Variants in PGM3 observed in about 807,000 individuals in gnomAD.
PGM3 encodes the protein phosphoglucomutase 3, also known as phosphoacetylglucosamine mutase.
Under a neutral mutation model 66.2 loss-of-function variants are expected in PGM3, and 40 were observed. The observed-to-expected ratio is 0.60, with a 90% CI of 0.47 to 0.79. The LOEUF is 0.79. Ranked by LOEUF, PGM3 falls within the 30% of genes least tolerant of loss-of-function variation. The probability of loss-of-function intolerance (pLI) is 0.00; values close to 1 mark genes in which losing one functional copy is unlikely to be tolerated. For synonymous variants in PGM3, 191 were observed against 224.2 expected (o/e 0.85, Z 1.32); for missense variants, 537 against 643.4 (o/e 0.83, Z 1.79).
the PGM3 span, chr6:83,152,166 AATATATATATACATATAC>A: frequency 3.3e-6 from 3 of 911,220 alleles, no homozygotes; most frequent in African/African-American, 5.1e-5. Context: ...CAGTGGGAAA[AATATATATATACATATAC>A]ATATATATAT....
In PGM3 at chr6:83,165,989, G is replaced by T; in HGVS notation, c.*3245C>A. On this transcript the variant is annotated 3_prime_UTR_variant, in exon 13 of 13. Transcript: ENST00000513973. ...CATTTTTTGGAGCAAGTTTGGCTTTGGGAAGTGCTTTGGAGCTTCTTTCAG... is the reference window on the plus strand; with the variant it reads ...CATTTTTTGGAGCAAGTTTGGCTTTTGGAAGTGCTTTGGAGCTTCTTTCAG... The T allele has an allele frequency of 6.1e-6, 2 of 327,060 alleles. No individual in the cohort carries two copies. Among genetic ancestry groups the T allele is most frequent in the South Asian group, 6.3e-5 (2 of 31,586 alleles). 20.3% of individuals were successfully genotyped at this position (327,060 alleles called of 1,614,324 possible).
the PGM3 span, chr6:83,155,998 C>T: frequency 1.2e-6 from 2 of 1,613,972 alleles, no homozygotes. Context: ...CTTTGCAAAC[C>T]GTGATGTGGA....
chr6:83,150,632 A>G, the PGM3 span, among the ~76,000 whole-genome samples: 1 of 152,198 alleles, frequency 6.6e-6, no homozygotes, highest in Non-Finnish European at 1.5e-5. Flanking sequence ...CATTTTACAT[A>G]TTAGTTTGGA....
At chr6:83,153,873 G>T in the PGM3 span, 3 of 1,593,776 alleles carry the variant, frequency 1.9e-6, no homozygotes, top group East Asian at 6.7e-5. Context: ...CGTAGGTTAA[G>T]GTGGTTTTTC....
chr6:83,174,579 AGTC>A (rs2128489592), intron 9 of PGM3, 92 bp from the exon 10 acceptor site: 2 of 599,176 alleles, frequency 3.3e-6, no homozygotes, highest in South Asian at 4.9e-5. Flanking sequence ...TTTCCCTCCT[AGTC>A]AATCTGGAGA....
At chr6:83,173,487 T>G (rs150171640) in intron 10 of PGM3, among the ~76,000 whole-genome samples, 2,636 of 152,056 alleles carry the variant, frequency 0.017, 46 homozygotes, top group Admixed American at 0.058. Flanking sequence ...TGGAGAAATA[T>G]GAGCTTTGGT....
chr6:83,187,776 C>G (rs1335750632), intron 3 of PGM3, among the ~76,000 whole-genome samples: 1 of 152,118 alleles, frequency 6.6e-6, no homozygotes, highest in East Asian at 1.9e-4. Flanking sequence ...TGCACTCCAG[C>G]CTGGTGACAG....
the PGM3 span, chr6:83,156,144 GT>G: frequency 3.2e-6 from 5 of 1,539,530 alleles, no homozygotes; most frequent in Admixed American, 1.9e-5. Context: ...CTAACTACAG[GT>G]TTTTGGTTCC....
chr6:83,160,821 G>C (rs992828063), downstream of PGM3, among the ~76,000 whole-genome samples: 3 of 152,118 alleles, frequency 2.0e-5, no homozygotes, highest in Admixed American at 6.5e-5. Flanking sequence ...ATAGGATAAA[G>C]AGTATGCTAC....
At position 83,166,046 on chromosome 6, in the gene PGM3, C is replaced by T. The variant is rs561227520; in HGVS notation, c.*3188G>A. On this transcript the variant is annotated 3_prime_UTR_variant, in exon 13 of 13. Coordinates refer to ENST00000513973, the MANE Select transcript of PGM3 (RefSeq NM_015599.3). ...CACTGAGCTGGTCATCGCCAGTTGT[C>T]GTATAAAATCCACCTTTTGGCACAC... The T allele has an allele frequency of 1.9e-4, 53 of 278,952 alleles. No homozygotes were observed. The highest frequency in any genetic ancestry group is 3.4e-4 in the Non-Finnish European group (50 of 147,274). 17.3% of individuals were successfully genotyped at this position (278,952 alleles called of 1,614,324 possible).
Position 83,167,895 on chromosome 6 carries a change from T to A in PGM3, c.*1339A>T. 3 of 1,613,190 alleles carry A rather than the reference T, an allele frequency of 1.9e-6. No individual in the cohort carries two copies. The highest frequency in any genetic ancestry group is 2.5e-6 in the Non-Finnish European group (3 of 1,179,452). The stretch of plus-strand genomic sequence containing the variant: ...AGAGGAAGACAACTCAGGGAGAACA[T>A]TGGGTTGGGAGCCAGGGCACTTGCT... On this transcript the variant is annotated 3_prime_UTR_variant, in exon 13 of 13. Transcript: ENST00000513973.
chr6:83,150,046 G>GT, the PGM3 span, among the ~76,000 whole-genome samples: 9 of 152,180 alleles, frequency 5.9e-5, no homozygotes, highest in Admixed American at 6.5e-5. Context: ...GTGTGGGAAA[G>GT]TAAGTGTTGA....
intron 3 of PGM3, 49 bp downstream of exon 3, chr6:83,188,565 T>G: frequency 7.2e-7 from 1 of 1,391,448 alleles, no homozygotes; most frequent in Non-Finnish European, 1.0e-6. Flanking sequence ...CAATCGTTTA[T>G]ATCACGTTCC....
chr6:83,157,050 C>A, downstream of PGM3: 1 of 769,302 alleles, frequency 1.3e-6, no homozygotes, highest in Non-Finnish European at 2.0e-6. Flanking sequence ...ATGAAAATAT[C>A]TACAACAGTT....
chr6:83,164,646 C>T, downstream of PGM3: 1 of 1,562,696 alleles, frequency 6.4e-7, no homozygotes, highest in Non-Finnish European at 8.7e-7. Context: ...GAGTTCTCCT[C>T]TTTCCTTCCA....
the PGM3 span, chr6:83,153,895 G>A: frequency 1.2e-6 from 2 of 1,609,994 alleles, no homozygotes; most frequent in Non-Finnish European, 1.7e-6. Context: ...TCCTTGTAGT[G>A]CACATAATGC....
intron 11 of PGM3, 22 bp from the exon 12 acceptor site, chr6:83,170,500 T>G: frequency 6.2e-7 from 1 of 1,601,212 alleles, no homozygotes; most frequent in African/African-American, 1.3e-5. Flanking sequence ...CATTTCATAT[T>G]TGTTACTCTA....
chr6:83,192,304 A>C (rs1408247240), intron 1 of PGM3, among the ~76,000 whole-genome samples: 4 of 152,214 alleles, frequency 2.6e-5, no homozygotes, highest in Non-Finnish European at 4.4e-5. Context: ...TAGCCCACTA[A>C]TACTGTTTTC....
the PGM3 span, chr6:83,151,779 C>G: frequency 4.9e-6 from 7 of 1,433,174 alleles, no homozygotes; most frequent in South Asian, 9.0e-5. Flanking sequence ...TGGGAATCAA[C>G]AAGTCTATTG....
Sources: gnomAD v4.1 joint callset for allele counts (sites outside exome capture counted in the v4.1 genomes callset) on GRCh38, gnomAD v4.1.1 for gene constraint, MANE v1.5 for transcripts, NCBI Gene and HGNC (gene_info 2026-07-23, HGNC 2026-07-21) for gene names.